GPHN: variants seen among roughly 807,000 people sequenced by gnomAD.
GPHN encodes gephyrin.
GPHN carries 17 observed loss-of-function variants against 95.5 expected under a neutral mutation model. The observed-to-expected ratio is 0.18, with a 90% CI of 0.12 to 0.27. The LOEUF (loss-of-function observed/expected upper bound fraction) is 0.27, where lower values mean the gene tolerates loss of function less well. Ranked by LOEUF, GPHN falls within the 10% of genes least tolerant of loss-of-function variation. The pLI, the probability that GPHN is intolerant of heterozygous loss-of-function variation, is 1.00. For synonymous variants in GPHN, 320 were observed against 322.5 expected, an observed-to-expected ratio of 0.99 and a Z score of 0.08; for missense variants, 660 against 978.1, an observed-to-expected ratio of 0.67 and a Z score of 4.34.
intron 1 of GPHN, among the ~76,000 whole-genome samples, chr14:66,641,275 T>C (rs1358376950): frequency 6.6e-6 from 1 of 152,210 alleles, no homozygotes; most frequent in Non-Finnish European, 1.5e-5. Context: ...GAATACTCTA[T>C]TGCAGTGTTG....
intron 11 of GPHN, among the ~76,000 whole-genome samples, chr14:67,059,993 T>C (rs17103856): frequency 0.051 from 7,810 of 152,172 alleles, 223 homozygotes; most frequent in Middle Eastern, 0.068. Flanking sequence ...GAGATATTTA[T>C]TGGTATCAGT....
the GPHN span, among the ~76,000 whole-genome samples, chr14:67,190,506 A>G: frequency 1.3e-5 from 2 of 152,220 alleles, no homozygotes; most frequent in African/African-American, 4.8e-5. Flanking sequence ...TACAGGCGTG[A>G]GCCGTTGTGC....
intron 1 of GPHN, among the ~76,000 whole-genome samples, chr14:66,582,855 G>A (rs1156517915): frequency 6.6e-6 from 1 of 152,156 alleles, no homozygotes. Context: ...ACATGTGCAT[G>A]TGTCTTTATA....
intron 8 of GPHN, among the ~76,000 whole-genome samples, chr14:66,959,143 AATATATT>A (rs1213606437): frequency 6.6e-6 from 1 of 152,140 alleles, no homozygotes; most frequent in African/African-American, 2.4e-5. Flanking sequence ...ATTACCTATC[AATATATT>A]GTATGCCTGT....
chr14:67,497,676 G>A, the GPHN span, among the ~76,000 whole-genome samples: 1 of 152,144 alleles, frequency 6.6e-6, no homozygotes, highest in Non-Finnish European at 1.5e-5. Context: ...AGTTGTCTAG[G>A]AACACCATTA....
At chr14:67,012,611 A>G (rs1485136355) in intron 9 of GPHN, among the ~76,000 whole-genome samples, 1 of 152,264 alleles carries the variant, frequency 6.6e-6, no homozygotes, top group East Asian at 1.9e-4. Flanking sequence ...TATAGCCATT[A>G]TTATTGTCAC....
the GPHN span, among the ~76,000 whole-genome samples, chr14:67,453,611 G>C: frequency 6.6e-6 from 1 of 152,276 alleles, no homozygotes; most frequent in African/African-American, 2.4e-5. Context: ...TCTCATGCCA[G>C]GTCAGGATGG....
chr14:66,827,299 G>A (rs1292843150), intron 4 of GPHN, among the ~76,000 whole-genome samples: 3 of 151,664 alleles, frequency 2.0e-5, no homozygotes, highest in Non-Finnish European at 4.4e-5. Context: ...AAAAAAGGCG[G>A]GGTGAGGGGG....
the GPHN span, among the ~76,000 whole-genome samples, chr14:67,423,673 G>T: frequency 6.6e-6 from 1 of 152,108 alleles, no homozygotes; most frequent in Non-Finnish European, 1.5e-5. Context: ...GGAAAGGAAG[G>T]GTGTAGAGCC....
chr14:66,683,639 A>C (rs147692702), intron 2 of GPHN, among the ~76,000 whole-genome samples: 61 of 146,580 alleles, frequency 4.2e-4, no homozygotes, highest in African/African-American at 1.4e-3. Context: ...TTAATGGTGC[A>C]ACATTGAATA....
At chr14:67,645,531 AG>A in the GPHN span, 3 of 1,216,812 alleles carry the variant, frequency 2.5e-6, no homozygotes, top group African/African-American at 3.1e-5. Context: ...GTCTCCATCT[AG>A]GCCCTGGCTT....
intron 1 of GPHN, among the ~76,000 whole-genome samples, chr14:66,608,575 T>C (rs1407736440): frequency 6.6e-6 from 1 of 152,124 alleles, no homozygotes; most frequent in Non-Finnish European, 1.5e-5. Context: ...TCTAATCCTG[T>C]CACTGGGGAG....
chr14:67,696,907 A>G, the GPHN span, among the ~76,000 whole-genome samples: 147,799 of 152,348 alleles, frequency 0.97, 71,828 homozygotes, highest in East Asian at 1. Context: ...AAATTGGAGA[A>G]GAGAGGGTTT....
rs753941161 is a variant in GPHN, at chr14:67,023,186, C to T, written c.964-447C>T. Among the ~76,000 whole-genome samples the T allele has an allele frequency of 1.4e-3, 208 of 151,820 alleles. 6 individuals are homozygous for T. The highest frequency in any genetic ancestry group is 3.5e-4 in the Non-Finnish European group (24 of 67,904). ...GTTATATAAGGATTTCTCTATTTTC[C>T]TCCCATTAATTTATATACATACTAA... is the stretch of plus-strand genomic sequence containing the variant. On this transcript the variant is annotated intron_variant, in intron 9 of 22. Transcript: ENST00000478722.
chr14:67,178,008 A>C (rs2083098452), intron 21 of GPHN, among the ~76,000 whole-genome samples: 1 of 152,104 alleles, frequency 6.6e-6, no homozygotes. Context: ...ATGGGTCTTG[A>C]CTGTCCAATT....
chr14:66,972,587 G>A (rs898098926), intron 9 of GPHN, among the ~76,000 whole-genome samples: 1 of 151,614 alleles, frequency 6.6e-6, no homozygotes, highest in African/African-American at 2.4e-5. Flanking sequence ...TCACATTCAA[G>A]GCTCAAGTTT....
chr14:67,380,646 T>C, the GPHN span: 2 of 1,421,006 alleles, frequency 1.4e-6, no homozygotes, highest in South Asian at 2.8e-5. Flanking sequence ...TATTTATTTA[T>C]GTTTTTGACC....
At chr14:66,748,672 T>C (rs1465392453) in intron 2 of GPHN, among the ~76,000 whole-genome samples, 1 of 152,004 alleles carries the variant, frequency 6.6e-6, no homozygotes, top group Non-Finnish European at 1.5e-5. Flanking sequence ...TGATTTTGGA[T>C]TTTGGAATAT....
At chr14:67,066,313 G>T (rs965832911) in intron 11 of GPHN, among the ~76,000 whole-genome samples, 1 of 152,218 alleles carries the variant, frequency 6.6e-6, no homozygotes, top group Admixed American at 6.5e-5. Flanking sequence ...AGTCTGATGG[G>T]CTTCCCTTTG....
Sources: gnomAD v4.1 joint callset for allele counts (sites outside exome capture counted in the v4.1 genomes callset) on GRCh38, gnomAD v4.1.1 for gene constraint, MANE v1.5 for transcripts, NCBI Gene and HGNC (gene_info 2026-07-23, HGNC 2026-07-21) for gene names.